SFMBT2: variants seen among roughly 807,000 people sequenced by gnomAD.
The protein encoded by SFMBT2 is Scm like with four mbt domains 2, also known as scm-like with four MBT domains protein 2.
SFMBT2 carries 38 observed loss-of-function variants against 110.1 expected under a neutral mutation model. The ratio of observed to expected loss-of-function variants is 0.35; its 90% CI spans 0.27 to 0.45. SFMBT2 has a LOEUF of 0.45. Among genes scored for constraint, SFMBT2 ranks in the 20% least tolerant of loss-of-function variants. The pLI is 1.00. For synonymous variants in SFMBT2, 425 were observed against 425.4 expected (o/e 1.00, Z 0.01); for missense variants, 1,011 against 1,094.9 (o/e 0.92, Z 1.08).
At chr10:7,230,181 T>G (rs1840074758) in intron 9 of SFMBT2, among the ~76,000 whole-genome samples, 1 of 152,128 alleles carries the variant, frequency 6.6e-6, no homozygotes, top group African/African-American at 2.4e-5. Context: ...CTATAAAGAC[T>G]GAAAATTCTT....
chr10:7,203,717 C>CT lies in SFMBT2; in HGVS notation c.1445-1196dup, dbSNP rs796989516. The CT allele has an allele frequency of 1.8e-3, 1,706 of 957,102 alleles. 4 individuals are homozygous for CT. Among genetic ancestry groups the CT allele is most frequent in the African/African-American group, 7.9e-3 (446 of 56,500 alleles). 59.3% of individuals were successfully genotyped at this position (957,102 alleles called of 1,614,324 possible). A position where few individuals can be genotyped will look rare whatever the true frequency, so the allele number is the denominator to read the frequency against. The stretch of plus-strand genomic sequence containing the variant: ...GGCTGAGCAAGGTCAGAATCTGCAG[C>CT]TTTTTTTTTGTGAGACAGAGCGGAG... On this transcript the variant is annotated intron_variant, in intron 12 of 20. Transcript: ENST00000397167.
At chr10:7,200,505 A>C in intron 13 of SFMBT2, 21 bp from the exon 14 acceptor site, 1 of 1,580,806 alleles carries the variant, frequency 6.3e-7, no homozygotes, top group Non-Finnish European at 8.6e-7. Context: ...AGAAAATAAA[A>C]CTATCAGGGA....
rs528958227 is a variant in SFMBT2 at position 7,202,449 on chromosome 10, A to C, written c.1487+31T>G. 3 of 1,613,640 alleles carry C rather than the reference A, an allele frequency of 1.9e-6. No homozygotes were observed. In the Admixed American group the frequency reaches 5.0e-5, roughly 27 times the overall value. On this transcript the variant is annotated intron_variant, in intron 13 of 20. Transcript: ENST00000397167. ...AAGACACTACAGTTTATCGGTATACAGTGTAGTCTGGAGGGGAAAAAAGCA... is the reference window on the plus strand; with the variant it reads ...AAGACACTACAGTTTATCGGTATACCGTGTAGTCTGGAGGGGAAAAAAGCA...
At chr10:7,222,587 C>T (rs1158484151) in intron 10 of SFMBT2, among the ~76,000 whole-genome samples, 1 of 152,106 alleles carries the variant, frequency 6.6e-6, no homozygotes. Context: ...AATTACCTAA[C>T]ACAAACAGCA....
intron 3 of SFMBT2, 61 bp downstream of exon 3, chr10:7,370,220 C>A: frequency 2.7e-6 from 4 of 1,461,054 alleles, no homozygotes; most frequent in Non-Finnish European, 3.8e-6. Context: ...CGGCTTCTCC[C>A]TATAGATTCC....
chr10:7,225,731 A>C (rs1158698018), intron 10 of SFMBT2, among the ~76,000 whole-genome samples: 1 of 152,212 alleles, frequency 6.6e-6, no homozygotes, highest in Non-Finnish European at 1.5e-5. Flanking sequence ...ACTGCCATAG[A>C]AGAAATCACT....
Position 7,315,944 on chromosome 10 carries a change from T to A in SFMBT2, c.437-29990A>T, listed in dbSNP as rs185847329. ...TTAAGAAGATGTTCAGGCATAGAAGTACACAGATTAAGGCTAATCTATACA... is the reference window on the plus strand; with the variant it reads ...TTAAGAAGATGTTCAGGCATAGAAGAACACAGATTAAGGCTAATCTATACA... On this transcript the variant is annotated intron_variant, in intron 4 of 20. Transcript: ENST00000397167. Among the ~76,000 whole-genome samples, 16 of 152,284 alleles carry A rather than the reference T, an allele frequency of 1.1e-4. 1 individual carries two copies. The East Asian group carries it at 3.1e-3, about 29-fold the overall frequency.
In SFMBT2 at chr10:7,293,255, C is replaced by T. The variant is rs1464744417; in HGVS notation, c.437-7301G>A. 6.6e-6 allele frequency among the ~76,000 whole-genome samples: 1 copy of T among 152,100 alleles called. No individual in the cohort carries two copies. The highest frequency in any genetic ancestry group is 1.5e-5 in the Non-Finnish European group (1 of 68,028). On this transcript the variant is annotated intron_variant, in intron 4 of 20. Transcript: ENST00000397167. The surrounding 1 kb of genome is among the most constrained non-coding windows in gnomAD (Gnocchi z 4.6). ...CTGGGACTACAGGCACGCCCTACCA[C>T]ATCCAGCTAATTTTTGTATTTTTAG...
At chr10:7,213,848 G>C (rs531778428) in intron 11 of SFMBT2, among the ~76,000 whole-genome samples, 1 of 152,204 alleles carries the variant, frequency 6.6e-6, no homozygotes, top group Non-Finnish European at 1.5e-5. Flanking sequence ...TCAGATCCGT[G>C]TGCACAGCGT....
chr10:7,189,595 C>T (rs1008735648), intron 15 of SFMBT2, among the ~76,000 whole-genome samples: 2 of 152,186 alleles, frequency 1.3e-5, no homozygotes, highest in African/African-American at 4.8e-5. Context: ...AAAGACCTTA[C>T]AGAACGTGAG....
intron 11 of SFMBT2, among the ~76,000 whole-genome samples, chr10:7,208,609 T>C (rs12412690): frequency 0.41 from 62,403 of 151,098 alleles, 13,318 homozygotes; most frequent in Middle Eastern, 0.57. Context: ...TCACTTGAAC[T>C]TGGGAGGTGG....
At chr10:7,222,498 T>C (rs1839774800) in intron 10 of SFMBT2, among the ~76,000 whole-genome samples, 1 of 152,210 alleles carries the variant, frequency 6.6e-6, no homozygotes, top group African/African-American at 2.4e-5. Flanking sequence ...GTGGATGTTG[T>C]CTTCTCCCTG....
rs754923964 is a variant in SFMBT2 at position 7,248,573 on chromosome 10, T to A, written c.947A>T (p.Tyr316Phe). 2 of 1,614,128 alleles carry A rather than the reference T, an allele frequency of 1.2e-6. No individual in the cohort carries two copies. The highest frequency in any genetic ancestry group is 3.3e-5 in the Admixed American group (2 of 60,022). Reference protein sequence around the residue: ...LETVNMCEPFYISPASVTKVF... With the variant: ...LETVNMCEPFFISPASVTKVF... ...CTTAGTCACCGACGCAGGAGAGATG[T>A]AAAAGGGCTCGCACATATTCACTGT... Residue 316 changes from tyrosine to phenylalanine, a missense_variant, in exon 8 of 21, where the codon TAC becomes TTC. Coordinates refer to ENST00000397167, the MANE Select transcript of SFMBT2 (RefSeq NM_001387889.1).
intron 15 of SFMBT2, among the ~76,000 whole-genome samples, chr10:7,195,010 C>T (rs55985559): frequency 0.063 from 9,530 of 152,292 alleles, 599 homozygotes; most frequent in African/African-American, 0.16. Context: ...GTGAAACAGG[C>T]TTGCAGGCAG....
Position 7,283,898 on chromosome 10 carries a change from C to G in SFMBT2, c.772+6G>C. 4 of 1,567,438 alleles carry G rather than the reference C, an allele frequency of 2.6e-6. No individual in the cohort carries two copies. The highest frequency in any genetic ancestry group is 3.5e-6 in the Non-Finnish European group (4 of 1,137,530). On this transcript the variant is annotated splice_donor_region_variant and intron_variant, in intron 6 of 20. Coordinates refer to ENST00000397167, the MANE Select transcript of SFMBT2 (RefSeq NM_001387889.1). ...ACTTTACAGCAGCAAAAGCTTTGGC[C>G]CTTACCTGAAGGTGGGTCCATTCTG...
Position 7,301,635 on chromosome 10 carries a change from G to A in SFMBT2, c.437-15681C>T, listed in dbSNP as rs1347502739. Reference sequence around the variant, plus strand: ...GCCTCCACAGGACAAACCAGAGACTGCAATGAGAGGGAGGAGCTGCAGCTC... The same window carrying A: ...GCCTCCACAGGACAAACCAGAGACTACAATGAGAGGGAGGAGCTGCAGCTC... On this transcript the variant is annotated intron_variant, in intron 4 of 20. Coordinates refer to ENST00000397167, the MANE Select transcript of SFMBT2 (RefSeq NM_001387889.1). The surrounding 1 kb of genome is among the most constrained non-coding windows in gnomAD (Gnocchi z 4.2). Among the ~76,000 whole-genome samples the A allele has an allele frequency of 1.3e-5, 2 of 152,148 alleles. No homozygotes were observed. Among genetic ancestry groups the A allele is most frequent in the African/African-American group, 2.4e-5 (1 of 41,440 alleles).
intron 6 of SFMBT2, among the ~76,000 whole-genome samples, chr10:7,283,233 G>A (rs1463903787): frequency 6.6e-6 from 1 of 152,188 alleles, no homozygotes; most frequent in Non-Finnish European, 1.5e-5. Context: ...TTTTAACTAG[G>A]TAGGTATGAC....
chr10:7,372,146 G>C (rs149485115), intron 2 of SFMBT2, among the ~76,000 whole-genome samples: 11 of 151,862 alleles, frequency 7.2e-5, no homozygotes, highest in Admixed American at 5.9e-4. Context: ...TCGAATTCCC[G>C]ACCTCAGGTG....
intron 4 of SFMBT2, among the ~76,000 whole-genome samples, chr10:7,324,600 G>C (rs1554804436): frequency 6.6e-6 from 1 of 152,306 alleles, no homozygotes; most frequent in East Asian, 1.9e-4. Context: ...GGTCCCAAGG[G>C]AATGGTTGTT....
Sources: gnomAD v4.1 joint callset for allele counts (sites outside exome capture counted in the v4.1 genomes callset) on GRCh38, gnomAD v4.1.1 for gene constraint, Gnocchi (gnomAD v3.1) non-coding constraint, MANE v1.5 for transcripts, NCBI Gene and HGNC (gene_info 2026-07-23, HGNC 2026-07-21) for gene names.